CWH43: variants seen among roughly 807,000 people sequenced by gnomAD.
CWH43 encodes the protein cell wall biogenesis 43 C-terminal homolog.
CWH43 carries 91 observed loss-of-function variants against 85.7 expected under a neutral mutation model. The observed-to-expected ratio is 1.06, with a 90% CI of 0.90 to 1.26. CWH43 has a LOEUF of 1.26. Among genes scored for constraint, CWH43 ranks in the 50% most tolerant of loss-of-function variants. The pLI is 0.00. For missense variants in CWH43, 869 were observed against 839.2 expected, an observed-to-expected ratio of 1.04 and a Z score of -0.44; for synonymous variants, 323 against 293.6, an observed-to-expected ratio of 1.10 and a Z score of -1.02.
intron 13 of CWH43, among the ~76,000 whole-genome samples, chr4:49,038,471 G>T (rs562931384): frequency 6.6e-6 from 1 of 152,194 alleles, no homozygotes; most frequent in Admixed American, 6.5e-5. Flanking sequence ...TTTATAGGTC[G>T]CAAGTTGTGC....
intron 13 of CWH43, among the ~76,000 whole-genome samples, chr4:49,038,739 G>T (rs1185167798): frequency 6.6e-6 from 1 of 152,116 alleles, no homozygotes; most frequent in Non-Finnish European, 1.5e-5. Flanking sequence ...GCCATGTTTA[G>T]AAAACACAAT....
At position 49,029,116 on chromosome 4, in the gene CWH43, A is replaced by G. The variant is rs865800006; in HGVS notation, c.1372+382A>G. On this transcript the variant is annotated intron_variant, in intron 10 of 15. Transcript: ENST00000226432. ...GCAGAATGGGTTGTAGGGAAAAGAA[A>G]GAGAGATCAGACTGTTACTGTGTCT... Among the ~76,000 whole-genome samples, 20 of 152,338 alleles carry G rather than the reference A, an allele frequency of 1.3e-4. No homozygotes were observed. In the Middle Eastern group the frequency reaches 0.017, roughly 130 times the overall value.
rs1199754762 is a variant in CWH43, at chr4:49,061,138, T to C, written c.2022-674T>C. The stretch of plus-strand genomic sequence containing the variant: ...TAAGGAATTCTTATCTGTTTGAGCA[T>C]AACCTTGATTACTTCCTTAGGGTCT... On this transcript the variant is annotated intron_variant, in intron 15 of 15. Transcript: ENST00000226432. 2.6e-5 allele frequency among the ~76,000 whole-genome samples: 4 copies of C among 152,336 alleles called. No homozygotes were observed. In the East Asian group the frequency reaches 7.7e-4, roughly 29 times the overall value.
At chr4:49,045,676 C>G (rs1784600812) in intron 14 of CWH43, among the ~76,000 whole-genome samples, 1 of 152,086 alleles carries the variant, frequency 6.6e-6, no homozygotes, top group Non-Finnish European at 1.5e-5. Context: ...ACTATGATGT[C>G]CACACAATGA....
intron 3 of CWH43, 63 bp from the exon 4 acceptor site, chr4:48,991,873 C>T (rs1782670329): frequency 1.5e-6 from 2 of 1,365,846 alleles, no homozygotes; most frequent in Admixed American, 3.9e-5. Context: ...AACTGAAATT[C>T]ATGATGGACA....
At chr4:49,036,293 TAGAG>T (rs1045076584) in intron 12 of CWH43, among the ~76,000 whole-genome samples, 16 of 152,092 alleles carry the variant, frequency 1.1e-4, no homozygotes, top group African/African-American at 3.6e-4. Flanking sequence ...TCTCAGGGCA[TAGAG>T]AAAGGACAGA....
intron 4 of CWH43, among the ~76,000 whole-genome samples, chr4:48,994,183 T>C (rs1228296064): frequency 6.6e-6 from 1 of 152,268 alleles, no homozygotes; most frequent in Non-Finnish European, 1.5e-5. Flanking sequence ...GCACAGTGGC[T>C]GCCCAGTCAA....
intron 15 of CWH43, 66 bp downstream of exon 15, chr4:49,050,915 A>G: frequency 9.0e-7 from 1 of 1,114,352 alleles, no homozygotes; most frequent in Non-Finnish European, 1.3e-6. Context: ...CCTACATATT[A>G]CCTCAAAATG....
chr4:49,044,762 A>C, intron 13 of CWH43, 24 bp from the exon 14 acceptor site: 1 of 1,598,692 alleles, frequency 6.3e-7, no homozygotes, highest in Non-Finnish European at 8.5e-7. Flanking sequence ...TGCTTTAAAC[A>C]TTCTCCTCTC....
intron 10 of CWH43, among the ~76,000 whole-genome samples, chr4:49,029,136 G>C (rs1031324304): frequency 7.9e-5 from 12 of 152,170 alleles, no homozygotes; most frequent in Non-Finnish European, 1.0e-4. Flanking sequence ...GACTGTTACT[G>C]TGTCTATGTA....
At chr4:49,056,662 T>C (rs1393862091) in intron 15 of CWH43, among the ~76,000 whole-genome samples, 1 of 152,050 alleles carries the variant, frequency 6.6e-6, no homozygotes, top group Non-Finnish European at 1.5e-5. Context: ...ATTTCATTAT[T>C]TTTTTCTCTA....
At chr4:49,010,084 C>T (rs549098961) in intron 8 of CWH43, among the ~76,000 whole-genome samples, 52 of 152,194 alleles carry the variant, frequency 3.4e-4, no homozygotes, top group Non-Finnish European at 5.9e-4. Context: ...TGGTAGAATT[C>T]GGCTGTGAAT....
chr4:49,012,948 A>G (rs1449215983), intron 8 of CWH43, among the ~76,000 whole-genome samples: 1 of 152,248 alleles, frequency 6.6e-6, no homozygotes, highest in Admixed American at 6.5e-5. Context: ...CATGGGGGTC[A>G]GGGACCTACA....
At chr4:49,050,893 C>T (rs551388812) in intron 15 of CWH43, 44 bp downstream of exon 15, 3 of 1,425,262 alleles carry the variant, frequency 2.1e-6, no homozygotes, top group Non-Finnish European at 2.9e-6. Context: ...GCTACTGCAT[C>T]CCTCTATGGA....
At chr4:49,050,063 T>G (rs949186575) in intron 14 of CWH43, among the ~76,000 whole-genome samples, 2 of 152,210 alleles carry the variant, frequency 1.3e-5, no homozygotes, top group African/African-American at 4.8e-5. Context: ...ATTGAATAAA[T>G]GAATGACTGA....
intron 9 of CWH43, among the ~76,000 whole-genome samples, chr4:49,027,030 G>A (rs1577685657): frequency 6.6e-6 from 1 of 152,306 alleles, no homozygotes; most frequent in Non-Finnish European, 1.5e-5. Context: ...TGCAATGGAA[G>A]CCACTCTAGT....
At chr4:49,055,723 G>A (rs768282273) in intron 15 of CWH43, among the ~76,000 whole-genome samples, 2 of 151,734 alleles carry the variant, frequency 1.3e-5, no homozygotes, top group South Asian at 2.1e-4. Context: ...CTGAGTAGCT[G>A]CGATTATAGG....
chr4:49,038,093 C>T lies in CWH43; in HGVS notation c.1716C>T (p.Ser572=). 3 of 1,612,876 alleles carry T rather than the reference C, an allele frequency of 1.9e-6. No individual in the cohort carries two copies. The highest frequency in any genetic ancestry group is 2.5e-6 in the Non-Finnish European group (3 of 1,179,302). The change falls in exon 13 of 16, where the codon AGC becomes AGT. Residue 572 remains serine (S), a synonymous_variant. Coordinates refer to ENST00000226432, the MANE Select transcript of CWH43 (RefSeq NM_025087.3). ...AIAVSKLLKS[S]SNQVIFLGYI... is the part of the protein sequence containing the mutation. Reference sequence around the variant, plus strand: ...CTGTTTCAAAACTACTGAAAAGTAGCTCTAATCAAGTGATATTTCTGGGAT... The same window carrying T: ...CTGTTTCAAAACTACTGAAAAGTAGTTCTAATCAAGTGATATTTCTGGGAT...
At chr4:49,031,682 A>G (rs1784104459) in intron 11 of CWH43, among the ~76,000 whole-genome samples, 1 of 152,220 alleles carries the variant, frequency 6.6e-6, no homozygotes, top group African/African-American at 2.4e-5. Flanking sequence ...GGCAGAGATG[A>G]TAGGTGGAAT....
Sources: allele counts gnomAD v4.1 joint callset (sites outside exome capture counted in the v4.1 genomes callset), GRCh38; gene constraint gnomAD v4.1.1; transcripts MANE v1.5; gene names NCBI Gene and HGNC (gene_info 2026-07-23, HGNC 2026-07-21).